BBX: variants seen among roughly 807,000 people sequenced by gnomAD.
BBX encodes HMG box transcription factor BBX.
BBX carries 30 observed loss-of-function variants against 100.2 expected under a neutral mutation model. The ratio of observed to expected loss-of-function variants is 0.30; its 90% confidence interval spans 0.22 to 0.41. BBX has a LOEUF of 0.41. Among genes scored for constraint, BBX ranks in the 10% least tolerant of loss-of-function variants. The pLI is 1.00. For missense variants in BBX, 1,023 were observed against 1,129.8 expected (o/e 0.91, Z 1.35); for synonymous variants, 376 against 388.1 (o/e 0.97, Z 0.37).
intron 12 of BBX, among the ~76,000 whole-genome samples, chr3:107,777,429 A>C (rs1367375160): frequency 2.6e-5 from 4 of 152,154 alleles, no homozygotes; most frequent in African/African-American, 9.7e-5. Context: ...TAACACATTT[A>C]CTGCTTATAA....
chr3:107,523,592 C>G (rs2047522047), intron 1 of BBX: 1 of 152,474 alleles, frequency 6.6e-6, no homozygotes. Flanking sequence ...ACAACAGAGC[C>G]CTCACGCCGG....
At chr3:107,752,579 G>T (rs2065156199) in intron 9 of BBX, among the ~76,000 whole-genome samples, 1 of 152,022 alleles carries the variant, frequency 6.6e-6, no homozygotes. Context: ...ACCCACCTCA[G>T]ACAGCCATAA....
At position 107,712,107 on chromosome 3, in the gene BBX, C is replaced by A. The variant is rs374669739; in HGVS notation, c.162+1485C>A. ...GCCCAGGCTGGTCTGGAACTCATGG[C>A]TTCAAGCAATCCTCCCTTCTCAACC... On this transcript the variant is annotated intron_variant, in intron 4 of 17. Transcript: ENST00000325805. 7.8e-4 allele frequency among the ~76,000 whole-genome samples: 119 copies of A among 152,240 alleles called. 3 individuals carry two copies. The South Asian group carries it at 0.024, about 31-fold the overall frequency.
Position 107,810,657 on chromosome 3 carries a change from G to C in BBX, c.*5200G>C, listed in dbSNP as rs1262051985. The C allele has an allele frequency of 6.6e-6, 1 of 152,286 alleles. No individual in the cohort carries two copies. Among genetic ancestry groups the C allele is most frequent in the Non-Finnish European group, 1.5e-5 (1 of 68,072 alleles). The allele number at this position is 152,286 out of a possible 1,614,324, so 9.4% of individuals were successfully genotyped here. ...AGCTCTAAGAGCCGTGGAACGGGGG[G>C]TAGGGAAGGTTTGCGATCTGGAGCT... On this transcript the variant is annotated 3_prime_UTR_variant, in exon 18 of 18. Coordinates refer to ENST00000325805, the MANE Select transcript of BBX (RefSeq NM_001142568.3).
chr3:107,749,663 C>T (rs1374398990), intron 9 of BBX, among the ~76,000 whole-genome samples: 4 of 144,268 alleles, frequency 2.8e-5, no homozygotes, highest in African/African-American at 7.7e-5. Flanking sequence ...GATGGAGTTT[C>T]GCCCTCATTA....
At position 107,773,083 on chromosome 3, in the gene BBX, G is replaced by A. The variant is rs1453695911; in HGVS notation, c.1362G>A (p.Lys454=). 2 of 1,612,976 alleles carry A rather than the reference G, an allele frequency of 1.2e-6. No homozygotes were observed. The highest frequency in any genetic ancestry group is 1.7e-6 in the Non-Finnish European group (2 of 1,179,768). Residue 454 remains lysine, a synonymous_variant, in exon 11 of 18, where the codon AAG becomes AAA. Coordinates refer to ENST00000325805, the MANE Select transcript of BBX (RefSeq NM_001142568.3). This position sits in a 1 kb window ranked among gnomAD's most constrained non-coding sequence, Gnocchi z 4.1. The part of the protein sequence containing the change: ...LNKPEKLKKK[K]KKSKMDRHGN... ...AGCCAGAAAAGCTAAAAAAGAAAAA[G>A]AAGAAAAGCAAAATGGATCGACATG...
chr3:107,796,130 A>ATGGT (rs2069633963), intron 15 of BBX, among the ~76,000 whole-genome samples: 1 of 152,184 alleles, frequency 6.6e-6, no homozygotes, highest in African/African-American at 2.4e-5. Context: ...ACAGAGGCCC[A>ATGGT]TGGTTGGTTG....
At chr3:107,547,525 C>T (rs962783741) in intron 2 of BBX, among the ~76,000 whole-genome samples, 1 of 152,038 alleles carries the variant, frequency 6.6e-6, no homozygotes, top group African/African-American at 2.4e-5. Flanking sequence ...CTCACAGATT[C>T]CCATGAAACC....
At chr3:107,754,173 A>G (rs1417990303) in intron 9 of BBX, among the ~76,000 whole-genome samples, 1 of 152,148 alleles carries the variant, frequency 6.6e-6, no homozygotes, top group Non-Finnish European at 1.5e-5. Context: ...TATTCTTTCT[A>G]TTATAGAGCG....
chr3:107,729,908 C>T (rs1012676818), intron 6 of BBX, among the ~76,000 whole-genome samples: 2 of 151,966 alleles, frequency 1.3e-5, no homozygotes, highest in African/African-American at 4.8e-5. Flanking sequence ...TGGCAGTATT[C>T]TATATAATCT....
chr3:107,617,919 A>G (rs1026663639), intron 2 of BBX, among the ~76,000 whole-genome samples: 20 of 151,694 alleles, frequency 1.3e-4, no homozygotes, highest in Admixed American at 4.6e-4. Flanking sequence ...TTCCAGCACT[A>G]TGTGAATAAG....
At chr3:107,774,328 A>G (rs16853842) in intron 11 of BBX, among the ~76,000 whole-genome samples, 2,752 of 152,248 alleles carry the variant, frequency 0.018, 77 homozygotes, top group African/African-American at 0.062. Context: ...ACAAGCCCCA[A>G]ATGAAGATAC....
intron 3 of BBX, among the ~76,000 whole-genome samples, chr3:107,647,630 G>A (rs927342508): frequency 3.3e-5 from 5 of 152,148 alleles, no homozygotes; most frequent in African/African-American, 1.2e-4. Context: ...AGTAATTGAG[G>A]AAACAAATCC....
chr3:107,660,365 C>T (rs1292541448), intron 3 of BBX, among the ~76,000 whole-genome samples: 1 of 151,870 alleles, frequency 6.6e-6, no homozygotes, highest in Non-Finnish European at 1.5e-5. Context: ...AGAAATTCTT[C>T]AACTTTAGTC....
chr3:107,601,631 T>C (rs576291857), intron 2 of BBX, among the ~76,000 whole-genome samples: 10 of 152,296 alleles, frequency 6.6e-5, no homozygotes, highest in African/African-American at 2.4e-4. Context: ...ATGAAAAAGC[T>C]GCAGAAGAAA....
chr3:107,735,670 AAAT>A (rs762469111), intron 7 of BBX, among the ~76,000 whole-genome samples: 35 of 151,986 alleles, frequency 2.3e-4, no homozygotes, highest in Non-Finnish European at 4.1e-4. Flanking sequence ...ACTGTAACTG[AAAT>A]AATAAAGTCC....
intron 2 of BBX, among the ~76,000 whole-genome samples, chr3:107,624,174 A>G (rs1028009353): frequency 1.3e-5 from 2 of 152,184 alleles, no homozygotes; most frequent in African/African-American, 2.4e-5. Flanking sequence ...TAAAATGGGT[A>G]TAATAGAGCC....
Position 107,779,038 on chromosome 3 carries a change from T to C in BBX, c.2203+519T>C, listed in dbSNP as rs56282739. The stretch of plus-strand genomic sequence containing the variant: ...ATATATATACACACACACACACACA[T>C]ATACATTGGTTTTGTTAAATTTAAA... On this transcript the variant is annotated intron_variant, in intron 13 of 17. Coordinates refer to ENST00000325805, the MANE Select transcript of BBX (RefSeq NM_001142568.3). 1.1e-3 allele frequency among the ~76,000 whole-genome samples: 118 copies of C among 111,250 alleles called. 1 individual carries two copies. Among genetic ancestry groups the C allele is most frequent in the Non-Finnish European group, 1.8e-3 (93 of 50,510 alleles). The allele number at this position is 111,250 out of a possible 152,430, so 73.0% of individuals were successfully genotyped here.
rs2068812348 is a variant in BBX, at chr3:107,789,885, G to A, written c.2293+9G>A. ...CAATGTTCCGGAAAAAGGTATTGGT[G>A]CCCTCCATCCTCCATGAAGGGTTCT... On this transcript the variant is annotated intron_variant, in intron 14 of 17. Transcript: ENST00000325805. The A allele has an allele frequency of 6.5e-7, 1 of 1,537,412 alleles. No homozygotes were observed. Among genetic ancestry groups the A allele is most frequent in the African/African-American group, 1.4e-5 (1 of 72,630 alleles).
Sources: allele counts gnomAD v4.1 joint callset (sites outside exome capture counted in the v4.1 genomes callset), GRCh38; gene constraint gnomAD v4.1.1; non-coding constraint Gnocchi (gnomAD v3.1); transcripts MANE v1.5; gene names NCBI Gene and HGNC (gene_info 2026-07-23, HGNC 2026-07-21).